Variants in PCSK6 observed in about 807,000 individuals in gnomAD.
PCSK6 encodes the protein paired basic amino acid cleaving enzyme 4.
In PCSK6, 85 loss-of-function variants were observed where a neutral mutation model predicts 123.3. The ratio of observed to expected loss-of-function variants is 0.69; its 90% CI spans 0.58 to 0.83. PCSK6 has a LOEUF of 0.83. Ranked by LOEUF, PCSK6 falls within the 40% of genes least tolerant of loss-of-function variation. PCSK6 has a pLI of 0.00. For synonymous variants in PCSK6, 508 were observed against 516.0 expected (o/e 0.98, Z 0.21); for missense variants, 1,191 against 1,282.3 (o/e 0.93, Z 1.09).
In PCSK6 at chr15:101,305,650, G is replaced by A. The variant is rs1312860933; in HGVS notation, c.2813-295C>T. 3.1e-6 allele frequency: 1 copy of A among 323,012 alleles called. No homozygotes were observed. Among genetic ancestry groups the A allele is most frequent in the Non-Finnish European group, 5.9e-6 (1 of 169,824 alleles). The allele number at this position is 323,012 out of a possible 1,614,324, so 20.0% of individuals were successfully genotyped here. The stretch of plus-strand genomic sequence containing the variant: ...CTGAACCCAGGAGGCAGAGGTTGCA[G>A]TGAGCTGAGATCATGCCACTGCACT... On this transcript the variant is annotated intron_variant, in intron 21 of 21. Transcript: ENST00000611716. This position sits in a 1 kb window ranked among gnomAD's most constrained non-coding sequence, Gnocchi z 4.8.
At chr15:101,431,204 TGC>T in intron 4 of PCSK6, 114 bp downstream of exon 4, 1 of 1,041,978 alleles carries the variant, frequency 9.6e-7, no homozygotes, top group Non-Finnish European at 1.4e-6. Flanking sequence ...TTTTCTTTAC[TGC>T]CTAACTTAAT....
intron 9 of PCSK6, among the ~76,000 whole-genome samples, chr15:101,388,345 A>G (rs1451320531): frequency 6.6e-6 from 1 of 152,216 alleles, no homozygotes; most frequent in Non-Finnish European, 1.5e-5. Flanking sequence ...GAGGCATCCC[A>G]ACCATTCTTT....
intron 8 of PCSK6, among the ~76,000 whole-genome samples, chr15:101,390,632 C>G (rs896662696): frequency 2.0e-5 from 3 of 152,182 alleles, no homozygotes; most frequent in African/African-American, 7.2e-5. Context: ...CGGGCCCCAG[C>G]TGACAGCCCA....
At chr15:101,325,315 G>A (rs1389472797) in intron 16 of PCSK6, among the ~76,000 whole-genome samples, 1 of 152,222 alleles carries the variant, frequency 6.6e-6, no homozygotes, top group Non-Finnish European at 1.5e-5. Context: ...GCATCGTGAG[G>A]TTCGTATTTG....
chr15:101,481,916 A>G (rs1467034329), intron 1 of PCSK6, among the ~76,000 whole-genome samples: 1 of 152,102 alleles, frequency 6.6e-6, no homozygotes, highest in East Asian at 1.9e-4. Flanking sequence ...AGTGGTTCCA[A>G]TGCTGATGAG....
At chr15:101,352,137 ATTT>A (rs56844456) in intron 13 of PCSK6, among the ~76,000 whole-genome samples, 2,395 of 96,956 alleles carry the variant, frequency 0.025, 84 homozygotes, top group East Asian at 0.18. Flanking sequence ...TATTTTTCTA[ATTT>A]TTTTTTTTTT....
chr15:101,321,554 AAGATATGCTC>A lies in PCSK6; in HGVS notation c.2465+956_2465+965del, dbSNP rs77256027. 4.8e-3 allele frequency among the ~76,000 whole-genome samples: 727 copies of A among 152,368 alleles called. 5 individuals carry two copies. The highest frequency in any genetic ancestry group is 8.2e-3 in the Non-Finnish European group (561 of 68,034). On this transcript the variant is annotated intron_variant, in intron 18 of 21. Transcript: ENST00000611716. ...CTGGTGCAAGCCCCTGGAATAAGAG[AAGATATGCTC>A]AGTAAGTTTTCTTCCTTTGTTCTTT...
At chr15:101,427,107 T>C (rs983174416) in intron 6 of PCSK6, among the ~76,000 whole-genome samples, 6 of 152,138 alleles carry the variant, frequency 3.9e-5, no homozygotes, top group African/African-American at 1.2e-4. Flanking sequence ...CCGTGGGGAA[T>C]AGGAAGACAT....
intron 6 of PCSK6, among the ~76,000 whole-genome samples, chr15:101,412,265 G>C (rs538039856): frequency 4.5e-4 from 69 of 152,248 alleles, no homozygotes; most frequent in African/African-American, 1.6e-3. Flanking sequence ...GGTTTCAAAG[G>C]AATATCACAT....
intron 6 of PCSK6, among the ~76,000 whole-genome samples, chr15:101,404,110 T>C (rs1401368468): frequency 6.6e-6 from 1 of 152,268 alleles, no homozygotes; most frequent in African/African-American, 2.4e-5. Context: ...TCCCAGTGTA[T>C]GCCTGGTCTT....
chr15:101,419,538 T>C (rs1356688070), intron 6 of PCSK6, among the ~76,000 whole-genome samples: 1 of 35,338 alleles, frequency 2.8e-5, no homozygotes, highest in Non-Finnish European at 5.7e-5. Flanking sequence ...CCAACAGGGC[T>C]TTTTTTTTTT....
At position 101,316,542 on chromosome 15, in the gene PCSK6, C is replaced by T. The variant is rs372793863; in HGVS notation, c.2569+1777G>A. Among the ~76,000 whole-genome samples the T allele has an allele frequency of 2.3e-3, 353 of 152,288 alleles. 2 individuals carry two copies. The highest frequency in any genetic ancestry group is 8.1e-3 in the African/African-American group (337 of 41,560). On this transcript the variant is annotated intron_variant, in intron 19 of 21. Transcript: ENST00000611716. Reference sequence around the variant, plus strand: ...AGTGATGCTGCCTAATCCATCTGGGCTAAATAAGTCAAAGAAATAATAAAA... The same window carrying T: ...AGTGATGCTGCCTAATCCATCTGGGTTAAATAAGTCAAAGAAATAATAAAA...
rs551067148 is a variant in PCSK6 at position 101,394,511 on chromosome 15, G to T, written c.997-1087C>A. Among the ~76,000 whole-genome samples the T allele has an allele frequency of 7.9e-5, 12 of 152,292 alleles. No homozygotes were observed. In the South Asian group the frequency reaches 1.5e-3, roughly 18 times the overall value. ...TGGGCTGGTGGTGCACAGCTGGCCC[G>T]AGAGAAGGGCCAGCATCCACCTCCA... is the stretch of plus-strand genomic sequence containing the variant. On this transcript the variant is annotated intron_variant, in intron 7 of 21. Transcript: ENST00000611716.
chr15:101,412,713 A>ATATATATATATATAT (rs201205244), intron 6 of PCSK6, among the ~76,000 whole-genome samples: 9 of 112,672 alleles, frequency 8.0e-5, no homozygotes, highest in African/African-American at 1.4e-4. Context: ...ATATATATAT[A>ATATATATATATATAT]AAATTACCCA....
At chr15:101,463,264 G>T (rs1006766387) in intron 1 of PCSK6, among the ~76,000 whole-genome samples, 1 of 152,130 alleles carries the variant, frequency 6.6e-6, no homozygotes, top group African/African-American at 2.4e-5. Flanking sequence ...GAGGAGGGTC[G>T]AATTGGCTTG....
rs775442506 is a variant in PCSK6 at position 101,328,864 on chromosome 15, G to A, written c.2078-2385C>T. On this transcript the variant is annotated intron_variant, in intron 15 of 21. Transcript: ENST00000611716. Reference sequence around the variant, plus strand: ...AAAGCCAAATATCCAGGTTCCTCTCGCCCATGAAGCGTTCTTAAATTAAAT... The same window carrying A: ...AAAGCCAAATATCCAGGTTCCTCTCACCCATGAAGCGTTCTTAAATTAAAT... Among the ~76,000 whole-genome samples the A allele has an allele frequency of 3.9e-5, 6 of 152,300 alleles. No individual in the cohort carries two copies. The South Asian group carries it at 6.2e-4, about 16-fold the overall frequency.
chr15:101,348,979 C>T (rs1398150303), intron 13 of PCSK6, among the ~76,000 whole-genome samples: 2 of 152,210 alleles, frequency 1.3e-5, no homozygotes, highest in African/African-American at 2.4e-5. Context: ...ATCTGTGCCC[C>T]GATAGCTTAT....
At chr15:101,383,492 A>G (rs7165572) in intron 10 of PCSK6, among the ~76,000 whole-genome samples, 91,101 of 151,232 alleles carry the variant, frequency 0.6, 28,776 homozygotes, top group African/African-American at 0.8. Context: ...AAAGGCCGCC[A>G]ACAGCCAGCC....
At position 101,489,575 on chromosome 15, in the gene PCSK6, G is replaced by C. The variant is rs2141292818; in HGVS notation, c.96C>G (p.Gly32=). ...ACCCGGGCCCGCCGGCGCCCCCCGC[G>C]CCCCCCGCGCCCCCCGCGCCCGCGG... is the stretch of plus-strand genomic sequence containing the variant. ...DTAAGAGGAG[G]AGGAGGPGFR... The change falls in exon 1 of 22, where the codon GGC becomes GGG. Residue 32 remains glycine, a synonymous_variant. Coordinates refer to ENST00000611716, the MANE Select transcript of PCSK6 (RefSeq NM_002570.5). 1 of 971,602 alleles carries C rather than the reference G, an allele frequency of 1.0e-6. No homozygotes were observed. Among genetic ancestry groups the C allele is most frequent in the East Asian group, 1.2e-4 (1 of 8,338 alleles). 60.2% of individuals were successfully genotyped at this position (971,602 alleles called of 1,614,324 possible). A position where few individuals can be genotyped will look rare whatever the true frequency, so the allele number is the denominator to read the frequency against.
Sources: allele counts gnomAD v4.1 joint callset (sites outside exome capture counted in the v4.1 genomes callset), GRCh38; gene constraint gnomAD v4.1.1; non-coding constraint Gnocchi (gnomAD v3.1); transcripts MANE v1.5; gene names NCBI Gene and HGNC (gene_info 2026-07-23, HGNC 2026-07-21).